Variants in SYCP2L observed in about 807,000 individuals in gnomAD.
The protein encoded by SYCP2L is synaptonemal complex protein 2-like.
In SYCP2L, 98 loss-of-function variants were observed where a neutral mutation model predicts 125.8. The observed-to-expected ratio is 0.78, with a 90% CI of 0.66 to 0.92. The LOEUF (loss-of-function observed/expected upper bound fraction) is 0.92, where lower values mean the gene tolerates loss of function less well. Ranked by LOEUF, SYCP2L falls within the 40% of genes least tolerant of loss-of-function variation. SYCP2L has a pLI of 0.00. For missense variants in SYCP2L, 842 were observed against 936.4 expected (o/e 0.90, Z 1.32); for synonymous variants, 317 against 325.4 (o/e 0.97, Z 0.28).
chr6:10,901,042 C>G (rs1357601320), intron 6 of SYCP2L, among the ~76,000 whole-genome samples: 1 of 152,180 alleles, frequency 6.6e-6, no homozygotes, highest in South Asian at 2.1e-4. Flanking sequence ...CCTTTTTGTT[C>G]TGAAACTTAC....
chr6:10,887,346 C>G (rs948326161), intron 1 of SYCP2L, among the ~76,000 whole-genome samples: 6 of 152,196 alleles, frequency 3.9e-5, no homozygotes, highest in Non-Finnish European at 8.8e-5. Flanking sequence ...GGATCCCTAG[C>G]TAAATAGCGC....
intron 25 of SYCP2L, among the ~76,000 whole-genome samples, chr6:10,956,923 C>G (rs1232528618): frequency 6.6e-6 from 1 of 152,154 alleles, no homozygotes; most frequent in Admixed American, 6.5e-5. Flanking sequence ...AACTCTTGGG[C>G]TCAAGTGATC....
Position 10,912,659 on chromosome 6 carries a change from A to G in SYCP2L, c.919-14A>G, listed in dbSNP as rs754226509. On this transcript the variant is annotated splice_polypyrimidine_tract_variant and intron_variant, in intron 12 of 29. Coordinates refer to ENST00000283141, the MANE Select transcript of SYCP2L (RefSeq NM_001040274.3). This position sits in a 1 kb window ranked among gnomAD's most constrained non-coding sequence, Gnocchi z 4.1. ...TTTTATGTGTATAAGTCATGCTGAAATGATCTCTTACAGATGAGAAAACCA... is the reference window on the plus strand; with the variant it reads ...TTTTATGTGTATAAGTCATGCTGAAGTGATCTCTTACAGATGAGAAAACCA... 1.3e-6 allele frequency: 2 copies of G among 1,595,158 alleles called. No individual in the cohort carries two copies. Among genetic ancestry groups the G allele is most frequent in the South Asian group, 1.1e-5 (1 of 90,428 alleles).
At chr6:10,952,225 T>G (rs1171822713) in intron 23 of SYCP2L, among the ~76,000 whole-genome samples, 1 of 152,206 alleles carries the variant, frequency 6.6e-6, no homozygotes, top group Non-Finnish European at 1.5e-5. Context: ...CTGCAGCCTC[T>G]CCTGATGAAG....
Position 10,912,894 on chromosome 6 carries a change from C to T in SYCP2L, c.1039C>T (p.Pro347Ser). ...ENTLWDSVTL[P>S]KEAVMNFSIT... ...TACTCTATGGGACTCAGTGACACTT[C>T]CGAAGGAAGCGGTGATGAATTTCAG... is the stretch of plus-strand genomic sequence containing the variant. Residue 347 changes from proline to serine, a missense_variant, in exon 14 of 30, where the codon CCG becomes TCG. Pro to Ser is a moderately conservative substitution (Grantham distance 74). Transcript: ENST00000283141. This position sits in a 1 kb window ranked among gnomAD's most constrained non-coding sequence, Gnocchi z 4.1. 6.2e-7 allele frequency: 1 copy of T among 1,613,840 alleles called. No individual in the cohort carries two copies. The highest frequency in any genetic ancestry group is 1.7e-4 in the Middle Eastern group (1 of 6,048).
intron 28 of SYCP2L, 26 bp from the exon 29 acceptor site, chr6:10,963,756 A>T: frequency 6.2e-7 from 1 of 1,612,428 alleles, no homozygotes; most frequent in Non-Finnish European, 8.5e-7. Context: ...TGTGAATATA[A>T]TAAGAGATGG....
chr6:10,891,657 GTGTGTGTATGTGTA>G, intron 2 of SYCP2L, 76 bp downstream of exon 2: 4 of 758,404 alleles, frequency 5.3e-6, no homozygotes, highest in Admixed American at 2.7e-5. Flanking sequence ...GTGTGTGTGT[GTGTGTGTATGTGTA>G]TATGAGTGTA....
chr6:10,917,514 T>C (rs1317982449), intron 14 of SYCP2L, among the ~76,000 whole-genome samples: 10 of 152,222 alleles, frequency 6.6e-5, no homozygotes, highest in Admixed American at 6.5e-4. Flanking sequence ...TTTCCACGCC[T>C]TTACCTTAAG....
At chr6:10,943,869 C>G (rs145168333) in intron 23 of SYCP2L, among the ~76,000 whole-genome samples, 1 of 152,126 alleles carries the variant, frequency 6.6e-6, no homozygotes, top group Non-Finnish European at 1.5e-5. Context: ...TCCATTCATG[C>G]TAATGTGTGT....
intron 1 of SYCP2L, among the ~76,000 whole-genome samples, chr6:10,889,493 C>T (rs1757856461): frequency 6.6e-6 from 1 of 152,094 alleles, no homozygotes; most frequent in South Asian, 2.1e-4. Context: ...CCTTGCAGTA[C>T]TATCTTACTC....
chr6:10,899,643 C>T (rs1780345141), intron 6 of SYCP2L, among the ~76,000 whole-genome samples: 1 of 152,206 alleles, frequency 6.6e-6, no homozygotes, highest in Non-Finnish European at 1.5e-5. Flanking sequence ...CTTGATATGT[C>T]ATTTTTCTAT....
At chr6:10,916,392 C>G (rs1019516396) in intron 14 of SYCP2L, among the ~76,000 whole-genome samples, 1 of 152,120 alleles carries the variant, frequency 6.6e-6, no homozygotes, top group African/African-American at 2.4e-5. Context: ...TTCTCTAGTT[C>G]CTTGAGGTGT....
At chr6:10,894,056 T>C (rs1330509346) in intron 3 of SYCP2L, 29 bp from the exon 4 acceptor site, 3 of 1,601,816 alleles carry the variant, frequency 1.9e-6, no homozygotes, top group African/African-American at 2.7e-5. Context: ...TATTTATAAG[T>C]GTTTTAACTT....
intron 29 of SYCP2L, among the ~76,000 whole-genome samples, chr6:10,967,041 A>G (rs955291213): frequency 6.6e-6 from 1 of 152,214 alleles, no homozygotes; most frequent in East Asian, 1.9e-4. Context: ...TAAAAAGCAT[A>G]AGAAGATATT....
At chr6:10,922,402 C>T (rs946101943) in intron 14 of SYCP2L, among the ~76,000 whole-genome samples, 1 of 151,602 alleles carries the variant, frequency 6.6e-6, no homozygotes, top group East Asian at 1.9e-4. Flanking sequence ...ATGTAGCCCT[C>T]ATGGTATTTC....
At chr6:10,892,210 G>C (rs1271613497) in intron 2 of SYCP2L, among the ~76,000 whole-genome samples, 1 of 152,232 alleles carries the variant, frequency 6.6e-6, no homozygotes, top group African/African-American at 2.4e-5. Context: ...CATTAGCAAG[G>C]AGGTCAGACT....
Position 10,894,013 on chromosome 6 carries a change from G to A in SYCP2L, c.216+9G>A, listed in dbSNP as rs1479487926. On this transcript the variant is annotated intron_variant, in intron 3 of 29. Coordinates refer to ENST00000283141, the MANE Select transcript of SYCP2L (RefSeq NM_001040274.3). ...ACAGATCAATAAATAAGGCAAGTTG[G>A]TTTGCTTTGTGACCAAAATACAAAT... The A allele has an allele frequency of 3.1e-6, 5 of 1,603,932 alleles. No individual in the cohort carries two copies. The African/African-American group carries it at 6.7e-5, about 22-fold the overall frequency.
At position 10,961,551 on chromosome 6, in the gene SYCP2L, G is replaced by A. The variant is rs1781594221; in HGVS notation, c.2407G>A (p.Val803Met). 1 of 1,614,114 alleles carries A rather than the reference G, an allele frequency of 6.2e-7. No homozygotes were observed. Among genetic ancestry groups the A allele is most frequent in the South Asian group, 1.1e-5 (1 of 91,052 alleles). Reference protein sequence around the residue: ...ADLQSFCDLQVLRFNSTQTS With the variant: ...ADLQSFCDLQMLRFNSTQTS ...TCTGCAATCTTTCTGTGATCTGCAAGTGCTGAGGTACTTTGAAAGGTGTTC... is the reference window on the plus strand; with the variant it reads ...TCTGCAATCTTTCTGTGATCTGCAAATGCTGAGGTACTTTGAAAGGTGTTC... The change falls in exon 28 of 30, where the codon GTG becomes ATG. Residue 803 changes from valine to methionine, a missense_variant. Transcript: ENST00000283141.
chr6:10,917,664 G>A (rs1780714781), intron 14 of SYCP2L, among the ~76,000 whole-genome samples: 1 of 152,142 alleles, frequency 6.6e-6, no homozygotes, highest in Non-Finnish European at 1.5e-5. Context: ...GAGATGTGAG[G>A]TACCATTCCA....
Sources: gnomAD v4.1 joint callset for allele counts (sites outside exome capture counted in the v4.1 genomes callset) on GRCh38, gnomAD v4.1.1 for gene constraint, Gnocchi (gnomAD v3.1) non-coding constraint, MANE v1.5 for transcripts, NCBI Gene and HGNC (gene_info 2026-07-23, HGNC 2026-07-21) for gene names.